The following PACRGL variants were observed in gnomAD, a reference collection of about 807,000 sequenced individuals.
The protein encoded by PACRGL is parkin coregulated like.
In PACRGL, 38 loss-of-function variants were observed where a neutral mutation model predicts 34.5. The ratio of observed to expected loss-of-function variants is 1.10; its 90% CI spans 0.85 to 1.44. PACRGL has a LOEUF of 1.44. Ranked by LOEUF, PACRGL falls within the 40% of genes most tolerant of loss-of-function variation. PACRGL has a pLI of 0.00. For missense variants in PACRGL, 305 were observed against 281.4 expected, an observed-to-expected ratio of 1.08 and a Z score of -0.60; for synonymous variants, 128 against 100.1, an observed-to-expected ratio of 1.28 and a Z score of -1.66.
chr4:20,747,116 A>C (rs1578498846), intron 8 of PACRGL, among the ~76,000 whole-genome samples: 1 of 152,230 alleles, frequency 6.6e-6, no homozygotes, highest in East Asian at 1.9e-4. Flanking sequence ...CCCAAATTAT[A>C]ATCAACGTTC....
chr4:20,696,377 A>T (rs1484830767), upstream of PACRGL: 3 of 152,198 alleles, frequency 2.0e-5, no homozygotes, highest in Non-Finnish European at 4.4e-5. Context: ...ACACATGAGC[A>T]ATCTACAAGA....
At chr4:20,726,398 T>C (rs1436539512) in intron 8 of PACRGL, among the ~76,000 whole-genome samples, 1 of 152,164 alleles carries the variant, frequency 6.6e-6, no homozygotes, top group Non-Finnish European at 1.5e-5. Flanking sequence ...CTCCTCTTGT[T>C]TCCTCCTTCT....
intron 8 of PACRGL, among the ~76,000 whole-genome samples, chr4:20,747,895 T>G (rs1019200867): frequency 6.6e-6 from 1 of 152,210 alleles, no homozygotes; most frequent in African/African-American, 2.4e-5. Flanking sequence ...TTCACCCAGA[T>G]AGCTGCCTAC....
chr4:20,755,367 T>A (rs1754307898), downstream of PACRGL, among the ~76,000 whole-genome samples: 1 of 152,216 alleles, frequency 6.6e-6, no homozygotes, highest in African/African-American at 2.4e-5. Context: ...AACTAATACT[T>A]AAGTGCTGTA....
intron 4 of PACRGL, among the ~76,000 whole-genome samples, chr4:20,708,376 A>G (rs1009858422): frequency 1.3e-5 from 2 of 152,068 alleles, no homozygotes; most frequent in Admixed American, 1.3e-4. Flanking sequence ...TTATTTCTTC[A>G]GAGTTCATCC....
intron 4 of PACRGL, among the ~76,000 whole-genome samples, chr4:20,709,466 G>A (rs1736097641): frequency 6.6e-6 from 1 of 151,992 alleles, no homozygotes; most frequent in Non-Finnish European, 1.5e-5. Context: ...CACCAAAACT[G>A]TAACCTTAAC....
downstream of PACRGL, among the ~76,000 whole-genome samples, chr4:20,757,618 G>A (rs867630029): frequency 3.3e-5 from 5 of 152,016 alleles, no homozygotes; most frequent in African/African-American, 9.7e-5. Context: ...CACCCCATTT[G>A]CCTAAAATGT....
chr4:20,710,606 G>A (rs924356567), intron 5 of PACRGL, among the ~76,000 whole-genome samples: 4 of 152,076 alleles, frequency 2.6e-5, no homozygotes, highest in African/African-American at 9.7e-5. Context: ...ACATGGCAGT[G>A]CCTTTTTAGG....
chr4:20,713,229 T>C, intron 6 of PACRGL: 2 of 577,926 alleles, frequency 3.5e-6, no homozygotes, highest in South Asian at 2.5e-5. Context: ...TTCAGTCAGA[T>C]GGAAAATTTG....
rs1291805794 is a variant in PACRGL, at chr4:20,729,425, TATTAAA to T, written c.*2087_*2092del. Reference sequence around the variant, plus strand: ...AACATATTATGGAAAATTAAATGCTTATTAAAATAAGTTTTATTAGGCATATGCTGA... The same window carrying T: ...AACATATTATGGAAAATTAAATGCTTATAAGTTTTATTAGGCATATGCTGA... On this transcript the variant is annotated 3_prime_UTR_variant, in exon 9 of 9. Coordinates refer to ENST00000503585, the MANE Select transcript of PACRGL (RefSeq NM_001258345.3). 1.3e-5 allele frequency: 2 copies of T among 152,582 alleles called. No homozygotes were observed. Among genetic ancestry groups the T allele is most frequent in the Non-Finnish European group, 2.9e-5 (2 of 67,996 alleles). The allele number at this position is 152,582 out of a possible 1,614,324, so 9.5% of individuals were successfully genotyped here.
chr4:20,749,035 G>A (rs1753059634), intron 8 of PACRGL, among the ~76,000 whole-genome samples: 1 of 151,742 alleles, frequency 6.6e-6, no homozygotes, highest in African/African-American at 2.4e-5. Flanking sequence ...GCACGGGCCT[G>A]TAATCCCAGC....
At chr4:20,757,933 C>T in the PACRGL span, among the ~76,000 whole-genome samples, 1 of 152,132 alleles carries the variant, frequency 6.6e-6, no homozygotes, top group Non-Finnish European at 1.5e-5. Flanking sequence ...TTAATCATGC[C>T]AGCACTGTGC....
At position 20,730,225 on chromosome 4, in the gene PACRGL, C is replaced by G; in HGVS notation, c.*2884C>G. 1 of 1,401,426 alleles carries G rather than the reference C, an allele frequency of 7.1e-7. No individual in the cohort carries two copies. Among genetic ancestry groups the G allele is most frequent in the Non-Finnish European group, 9.5e-7 (1 of 1,051,024 alleles). The allele number at this position is 1,401,426 out of a possible 1,614,324, so 86.8% of individuals were successfully genotyped here. A position where few individuals can be genotyped will look rare whatever the true frequency, so the allele number is the denominator to read the frequency against. ...AGTATTGCCTCCTCCCATCAACCAC[C>G]TCAACCACCTATGCCAAAAGCTCAA... On this transcript the variant is annotated 3_prime_UTR_variant, in exon 9 of 9. Transcript: ENST00000503585.
chr4:20,743,638 T>G (rs1289022405), intron 8 of PACRGL, among the ~76,000 whole-genome samples: 1 of 152,260 alleles, frequency 6.6e-6, no homozygotes, highest in East Asian at 1.9e-4. Context: ...ATTAAAGACT[T>G]AAACATTAGA....
downstream of PACRGL, among the ~76,000 whole-genome samples, chr4:20,754,475 G>C (rs757062401): frequency 6.6e-5 from 10 of 152,096 alleles, no homozygotes; most frequent in Non-Finnish European, 1.5e-4. Context: ...ACATGAATTC[G>C]CCTGCCATCA....
At chr4:20,724,921 T>C (rs1248170607) in intron 8 of PACRGL, 33 bp downstream of exon 8, 1 of 1,315,846 alleles carries the variant, frequency 7.6e-7, no homozygotes, top group Admixed American at 3.3e-5. Flanking sequence ...AGTCTTTTTT[T>C]TTAACTTTTA....
At chr4:20,700,220 GT>G (rs1731581413), upstream of PACRGL, among the ~76,000 whole-genome samples, 1 of 152,206 alleles carries the variant, frequency 6.6e-6, no homozygotes, top group Non-Finnish European at 1.5e-5. Context: ...ACCCGTCATC[GT>G]CCCTCTGCTC....
intron 8 of PACRGL, among the ~76,000 whole-genome samples, chr4:20,749,473 ATAAACT>A (rs1753174255): frequency 6.6e-6 from 1 of 152,198 alleles, no homozygotes; most frequent in Non-Finnish European, 1.5e-5. Context: ...GCATTAGAAA[ATAAACT>A]GAATGTGGCT....
At chr4:20,735,593 A>G (rs375564438), downstream of PACRGL, among the ~76,000 whole-genome samples, 342 of 144,670 alleles carry the variant, frequency 2.4e-3, 8 homozygotes, top group South Asian at 0.047. Context: ...GCAGTGGCAC[A>G]ATCTTGGCTC....
Sources: allele counts gnomAD v4.1 joint callset (sites outside exome capture counted in the v4.1 genomes callset), GRCh38; gene constraint gnomAD v4.1.1; transcripts MANE v1.5; gene names NCBI Gene and HGNC (gene_info 2026-07-23, HGNC 2026-07-21).